EGFL7: variants seen among roughly 807,000 people sequenced by gnomAD.
The protein encoded by EGFL7 is EGF like domain multiple 7.
Under a neutral mutation model 37.1 loss-of-function variants are expected in EGFL7, and 48 were observed. The observed-to-expected ratio is 1.29, with a 90% CI of 1.03 to 1.65. The LOEUF (loss-of-function observed/expected upper bound fraction) is 1.65. EGFL7 is among the 40% of genes most tolerant of loss of function. EGFL7 has a pLI of 0.00. For missense variants in EGFL7, 384 were observed against 378.9 expected (o/e 1.01, Z -0.11); for synonymous variants, 180 against 156.8 (o/e 1.15, Z -1.10).
At chr9:136,665,783 A>G (rs1845427950) in intron 3 of EGFL7, 1 of 144,980 alleles carries the variant, frequency 6.9e-6, no homozygotes, top group African/African-American at 2.5e-5. Flanking sequence ...CTCGGGCGGC[A>G]GTGGCGGCGG....
At chr9:136,671,898 C>T (rs1845933347) in intron 9 of EGFL7, 28 bp from the exon 10 acceptor site, 5 of 1,470,240 alleles carry the variant, frequency 3.4e-6, no homozygotes, top group Non-Finnish European at 3.6e-6. Context: ...GGGGCCGGCC[C>T]AGGGTCACTG....
In EGFL7 at chr9:136,670,283, T is replaced by A; in HGVS notation, c.524T>A (p.Leu175His). Residue 175 changes from leucine (L) to histidine (H), a missense_variant, in exon 8 of 11, where the codon CTC becomes CAC. Coordinates refer to ENST00000308874, the MANE Select transcript of EGFL7 (RefSeq NM_016215.5). ...EGHSLSADGT[L>H]CVPKGGPPRV... ...CACAGCCTGTCTGCAGACGGTACACTCTGTGTGCCCAAGGGAGGGCCCCCC... is the reference window on the plus strand; with the variant it reads ...CACAGCCTGTCTGCAGACGGTACACACTGTGTGCCCAAGGGAGGGCCCCCC... 1 of 1,608,612 alleles carries A rather than the reference T, an allele frequency of 6.2e-7. No individual in the cohort carries two copies. The highest frequency in any genetic ancestry group is 8.5e-7 in the Non-Finnish European group (1 of 1,177,052).
At chr9:136,670,075 T>G (rs1375463759) in intron 7 of EGFL7, 66 bp downstream of exon 7, 2 of 1,599,352 alleles carry the variant, frequency 1.3e-6, no homozygotes, top group African/African-American at 2.7e-5. Context: ...TGTCCTGGGG[T>G]TACTGCTGGC....
rs887741715 is a variant in EGFL7 at position 136,668,184 on chromosome 9, C to T, written c.-42-57C>T. On this transcript the variant is annotated intron_variant, in intron 3 of 10. Transcript: ENST00000308874. ...GGCCTCGCGGAGCAAGTGCAAACTG[C>T]ACCCGCGTCCTGGGGGCATCTGCGG... 5 of 1,053,448 alleles carry T rather than the reference C, an allele frequency of 4.7e-6. No individual in the cohort carries two copies. The Admixed American group carries it at 7.2e-5, about 15-fold the overall frequency. The allele number at this position is 1,053,448 out of a possible 1,614,324, so 65.3% of individuals were successfully genotyped here. A position where few individuals can be genotyped will look rare whatever the true frequency, so the allele number is the denominator to read the frequency against.
At chr9:136,670,852 A>C in intron 8 of EGFL7, 98 bp from the exon 9 acceptor site, 2 of 1,149,130 alleles carry the variant, frequency 1.7e-6, no homozygotes, top group Non-Finnish European at 2.5e-6. Context: ...CCTGGGCCTG[A>C]GTCTTCTGGC....
chr9:136,665,868 C>G (rs934382198), intron 3 of EGFL7: 1 of 139,146 alleles, frequency 7.2e-6, no homozygotes, highest in African/African-American at 2.6e-5. Flanking sequence ...GGTCGCCGCC[C>G]GGGCTGGGTC....
At chr9:136,668,187 C>T in intron 3 of EGFL7, 54 bp from the exon 4 acceptor site, 2 of 1,098,422 alleles carry the variant, frequency 1.8e-6, no homozygotes, top group East Asian at 2.6e-5. Context: ...CAAACTGCAC[C>T]CGCGTCCTGG....
Position 136,672,387 on chromosome 9 carries a change from T to C in EGFL7, c.*101T>C. ...GGTCCAGAAACCACCTCGGGGTGAC[T>C]GAGCGGAAGGCCAGGCAGGGCCTTC... On this transcript the variant is annotated 3_prime_UTR_variant, in exon 11 of 11. Transcript: ENST00000308874. 2 of 1,490,780 alleles carry C rather than the reference T, an allele frequency of 1.3e-6. No individual in the cohort carries two copies. The highest frequency in any genetic ancestry group is 1.9e-6 in the Non-Finnish European group (2 of 1,073,614). The allele number at this position is 1,490,780 out of a possible 1,614,324, so 92.3% of individuals were successfully genotyped here.
At chr9:136,668,476 G>T in intron 4 of EGFL7, 81 bp from the exon 5 acceptor site, 1 of 1,543,742 alleles carries the variant, frequency 6.5e-7, no homozygotes, top group Middle Eastern at 1.7e-4. Flanking sequence ...CCTGCTGAGG[G>T]TCCTGCCCCG....
Position 136,670,158 on chromosome 9 carries a change from G to A in EGFL7, c.410-11G>A, listed in dbSNP as rs781524555. On this transcript the variant is annotated splice_polypyrimidine_tract_variant and intron_variant, in intron 7 of 10. Coordinates refer to ENST00000308874, the MANE Select transcript of EGFL7 (RefSeq NM_016215.5). ...CGCAGGCATGGCCGCCTGACACCCCGTTTCCTGCAGATGTGGATGAATGCA... is the reference window on the plus strand; with the variant it reads ...CGCAGGCATGGCCGCCTGACACCCCATTTCCTGCAGATGTGGATGAATGCA... The A allele has an allele frequency of 2.7e-5, 43 of 1,612,560 alleles. No individual in the cohort carries two copies. The highest frequency in any genetic ancestry group is 8.9e-5 in the East Asian group (4 of 44,892).
chr9:136,672,342 C>A lies in EGFL7; in HGVS notation c.*56C>A. 7.5e-6 allele frequency: 12 copies of A among 1,610,438 alleles called. 1 individual carries two copies. In the South Asian group the frequency reaches 1.1e-4, roughly 15 times the overall value. On this transcript the variant is annotated 3_prime_UTR_variant, in exon 11 of 11. Coordinates refer to ENST00000308874, the MANE Select transcript of EGFL7 (RefSeq NM_016215.5). ...CTCACGCCGCCCTGCAGCCCCCATG[C>A]CCCTGCCCAACATGCTGGGGGTCCA...
chr9:136,671,280 G>T (rs1192946505), intron 9 of EGFL7, among the ~76,000 whole-genome samples: 6 of 119,848 alleles, frequency 5.0e-5, no homozygotes, highest in Middle Eastern at 5.1e-3. Flanking sequence ...TGAGGCGTCG[G>T]GGGGGGAGGC....
At chr9:136,661,753 C>T (rs1455750060), upstream of EGFL7, among the ~76,000 whole-genome samples, 1 of 152,188 alleles carries the variant, frequency 6.6e-6, no homozygotes, top group East Asian at 1.9e-4. Flanking sequence ...TCCAAAGTCC[C>T]GTGGGGAATT....
At chr9:136,670,803 C>G in intron 8 of EGFL7, 147 bp from the exon 9 acceptor site, 1 of 812,708 alleles carries the variant, frequency 1.2e-6, no homozygotes, top group Non-Finnish European at 2.1e-6. Flanking sequence ...GCCCTGAGAC[C>G]TCTGGCCAGC....
Position 136,669,901 on chromosome 9 carries a change from C to T in EGFL7, c.314-13C>T, listed in dbSNP as rs1368079849. 3 of 1,570,164 alleles carry T rather than the reference C, an allele frequency of 1.9e-6. No homozygotes were observed. Among genetic ancestry groups the T allele is most frequent in the East Asian group, 4.8e-5 (2 of 42,074 alleles). ...ACCCAACTGAGCTGGTGACCAGCCT[C>T]CCCCGCCCACAGCAATATGCCAGCC... On this transcript the variant is annotated splice_polypyrimidine_tract_variant and intron_variant, in intron 6 of 10. Coordinates refer to ENST00000308874, the MANE Select transcript of EGFL7 (RefSeq NM_016215.5).
At position 136,672,473 on chromosome 9, in the gene EGFL7, G is replaced by T; in HGVS notation, c.*187G>T. ...CAGACCCTGGCATGGGATGGGCTGG[G>T]ATCTTCTCTGTGAATCCACCCCTGG... On this transcript the variant is annotated 3_prime_UTR_variant, in exon 11 of 11. Transcript: ENST00000308874. The T allele has an allele frequency of 1.4e-6, 1 of 701,094 alleles. No homozygotes were observed. The highest frequency in any genetic ancestry group is 1.8e-5 in the South Asian group (1 of 55,316). The allele number at this position is 701,094 out of a possible 1,614,324, so 43.4% of individuals were successfully genotyped here.
chr9:136,665,139 T>C (rs1396647930), intron 3 of EGFL7, among the ~76,000 whole-genome samples: 2 of 152,204 alleles, frequency 1.3e-5, no homozygotes, highest in Non-Finnish European at 2.9e-5. Flanking sequence ...AACTCAGCAG[T>C]GACCCAGTGA....
chr9:136,670,768 C>A (rs530190198), intron 8 of EGFL7, 182 bp from the exon 9 acceptor site: 2 of 733,050 alleles, frequency 2.7e-6, no homozygotes, highest in Non-Finnish European at 5.0e-6. Flanking sequence ...CAGAGCCACC[C>A]GCCCCGACGT....
rs756929976 is a variant in EGFL7 at position 136,668,485 on chromosome 9, C to T, written c.81-72C>T. The T allele has an allele frequency of 5.7e-5, 89 of 1,552,830 alleles. No homozygotes were observed. The Admixed American group carries it at 7.6e-4, about 13-fold the overall frequency. ...GGGGCTCCTGCTGAGGGTCCTGCCC[C>T]GGCCACATGTTCCCATCATTCTTGG... On this transcript the variant is annotated intron_variant, in intron 4 of 10. Coordinates refer to ENST00000308874, the MANE Select transcript of EGFL7 (RefSeq NM_016215.5).
Sources: allele counts gnomAD v4.1 joint callset (sites outside exome capture counted in the v4.1 genomes callset), GRCh38; gene constraint gnomAD v4.1.1; transcripts MANE v1.5; gene names NCBI Gene and HGNC (gene_info 2026-07-23, HGNC 2026-07-21).